HAO2: variants seen among roughly 807,000 people sequenced by gnomAD.
HAO2 encodes the protein 2-Hydroxyacid oxidase 2.
HAO2 carries 42 observed loss-of-function variants against 37.4 expected under a neutral mutation model. The observed-to-expected ratio is 1.12, with a 90% confidence interval of 0.88 to 1.45. HAO2 has a LOEUF of 1.45. Among genes scored for constraint, HAO2 ranks in the 40% most tolerant of loss-of-function variants. The pLI is 0.00. For missense variants in HAO2, 476 were observed against 430.2 expected (o/e 1.11, Z -0.94); for synonymous variants, 180 against 162.8 (o/e 1.11, Z -0.81).
chr1:119,393,078 A>G (rs1319554968), intron 7 of HAO2, among the ~76,000 whole-genome samples: 5 of 152,146 alleles, frequency 3.3e-5, no homozygotes, highest in African/African-American at 1.2e-4. Flanking sequence ...TGAATAATAC[A>G]TTTTGCCAAA....
chr1:119,390,450 T>A (rs947316741), intron 5 of HAO2, among the ~76,000 whole-genome samples: 1 of 152,152 alleles, frequency 6.6e-6, no homozygotes, highest in Non-Finnish European at 1.5e-5. Flanking sequence ...GATTTCACCA[T>A]GTTGGCCAGG....
At chr1:119,375,817 C>T (rs1295987808) in intron 1 of HAO2, among the ~76,000 whole-genome samples, 1 of 152,092 alleles carries the variant, frequency 6.6e-6, no homozygotes, top group East Asian at 1.9e-4. Context: ...ATAAGACCAT[C>T]GGATCTCATG....
chr1:119,369,127 T>C (rs777410059), intron 1 of HAO2: 10 of 152,156 alleles, frequency 6.6e-5, no homozygotes, highest in Non-Finnish European at 1.2e-4. Context: ...GTCTAGGAAG[T>C]TGAGTCTTAG....
At position 119,392,681 on chromosome 1, in the gene HAO2, C is replaced by T. The variant is rs1557858954; in HGVS notation, c.994C>T (p.Leu332Phe). 1 of 1,590,418 alleles carries T rather than the reference C, an allele frequency of 6.3e-7. No homozygotes were observed. The highest frequency in any genetic ancestry group is 8.6e-7 in the Non-Finnish European group (1 of 1,158,462). Residue 332 changes from leucine (L) to phenylalanine (F), a missense_variant, in exon 7 of 8, where the codon CTT (leucine) becomes TTT (phenylalanine). Transcript: ENST00000325945. ...AAATGAGTTCCACACTTCCATGGCC[C>T]TTACAGGTAAGTTAACATGTTTTCC... Reference protein sequence around the residue: ...LTNEFHTSMALTGCRSVAEIN... With the variant: ...LTNEFHTSMAFTGCRSVAEIN...
At chr1:119,370,502 T>C (rs1648895413) in intron 1 of HAO2, among the ~76,000 whole-genome samples, 1 of 152,184 alleles carries the variant, frequency 6.6e-6, no homozygotes, top group African/African-American at 2.4e-5. Flanking sequence ...CAAGGCACTG[T>C]TCTAGAAATT....
chr1:119,370,305 G>A (rs1335744389), intron 1 of HAO2: 1 of 152,246 alleles, frequency 6.6e-6, no homozygotes, highest in South Asian at 2.1e-4. Context: ...GGCTGAGAGT[G>A]TGTGTCAATA....
intron 5 of HAO2, among the ~76,000 whole-genome samples, 162 bp downstream of exon 5, chr1:119,386,993 T>G (rs994943647): frequency 3.3e-5 from 5 of 152,112 alleles, no homozygotes; most frequent in Non-Finnish European, 7.4e-5. Context: ...TTAATTATTA[T>G]TAGTAGCCTA....
intron 1 of HAO2, among the ~76,000 whole-genome samples, chr1:119,375,944 G>A (rs1649418196): frequency 6.6e-6 from 1 of 152,094 alleles, no homozygotes; most frequent in Non-Finnish European, 1.5e-5. Context: ...AATTCAAGAT[G>A]AGGTTTGGTT....
Position 119,392,173 on chromosome 1 carries a change from G to T in HAO2, c.835G>T (p.Gly279Trp), listed in dbSNP as rs758234111. Reference sequence around the variant, plus strand: ...GAAAATTGAAGTCTACCTGGATGGCGGGGTCCGAACTGGCAATGATGTGCT... The same window carrying T: ...GAAAATTGAAGTCTACCTGGATGGCTGGGTCCGAACTGGCAATGATGTGCT... The part of the protein sequence containing the change: ...KGKIEVYLDG[G>W]VRTGNDVLKA... Residue 279 changes from glycine to tryptophan, a missense_variant, in exon 6 of 8, where the codon GGG becomes TGG. Gly to Trp is a radical substitution (Grantham distance 184). Coordinates refer to ENST00000325945, the MANE Select transcript of HAO2 (RefSeq NM_016527.4). The T allele has an allele frequency of 6.2e-7, 1 of 1,613,148 alleles. No homozygotes were observed. Among genetic ancestry groups the T allele is most frequent in the East Asian group, 2.2e-5 (1 of 44,808 alleles).
intron 5 of HAO2, among the ~76,000 whole-genome samples, chr1:119,391,216 T>C (rs770886683): frequency 6.6e-6 from 1 of 152,116 alleles, no homozygotes; most frequent in Non-Finnish European, 1.5e-5. Flanking sequence ...GAAGGCCTCA[T>C]AGGGCCCAGT....
chr1:119,389,021 T>G (rs1284497754), intron 5 of HAO2, among the ~76,000 whole-genome samples: 1 of 148,810 alleles, frequency 6.7e-6, no homozygotes, highest in East Asian at 2.0e-4. Flanking sequence ...TGAGAATATA[T>G]GATGTTTGGT....
intron 4 of HAO2, chr1:119,385,745 T>G (rs1434890628): frequency 1.0e-6 from 1 of 985,274 alleles, no homozygotes; most frequent in East Asian, 1.1e-4. Flanking sequence ...AGCCAGCCTT[T>G]TCAACCAGTG....
At chr1:119,372,227 T>C (rs1470299746) in intron 1 of HAO2, among the ~76,000 whole-genome samples, 1 of 152,196 alleles carries the variant, frequency 6.6e-6, no homozygotes, top group Non-Finnish European at 1.5e-5. Flanking sequence ...GAAAACTGTG[T>C]AATAAATCAT....
At chr1:119,388,782 A>C (rs1650591428) in intron 5 of HAO2, among the ~76,000 whole-genome samples, 1 of 152,048 alleles carries the variant, frequency 6.6e-6, no homozygotes, top group African/African-American at 2.4e-5. Flanking sequence ...TTTTTTAAAA[A>C]AATTATTTCC....
chr1:119,388,786 T>A (rs1650592012), intron 5 of HAO2, among the ~76,000 whole-genome samples: 1 of 152,050 alleles, frequency 6.6e-6, no homozygotes, highest in Admixed American at 6.6e-5. Context: ...TTAAAAAAAT[T>A]ATTTCCACAG....
intron 1 of HAO2, 136 bp downstream of exon 1, chr1:119,369,038 G>C (rs1648739014): frequency 6.6e-6 from 1 of 152,248 alleles, no homozygotes; most frequent in African/African-American, 2.4e-5. Flanking sequence ...TGGTCCTAGG[G>C]AGACAGGTGT....
In HAO2 at chr1:119,386,569, A is replaced by G. The variant is rs1650394673; in HGVS notation, c.562-53A>G. ...TAAATGTGTCTCATCTTTGGAATGC[A>G]TCAAGTAGCCTTGTGAGAGCTCAGG... On this transcript the variant is annotated intron_variant, in intron 4 of 7. Coordinates refer to ENST00000325945, the MANE Select transcript of HAO2 (RefSeq NM_016527.4). 6.4e-6 allele frequency: 7 copies of G among 1,099,306 alleles called. 1 individual carries two copies. Among genetic ancestry groups the G allele is most frequent in the Non-Finnish European group, 9.8e-6 (7 of 714,948 alleles). 68.1% of individuals were successfully genotyped at this position (1,099,306 alleles called of 1,614,324 possible). A position where few individuals can be genotyped will look rare whatever the true frequency, so the allele number is the denominator to read the frequency against.
intron 1 of HAO2, among the ~76,000 whole-genome samples, chr1:119,375,172 A>ATGGGAATACAAGAAGACAAAATAAAG (rs1649347155): frequency 1.3e-5 from 2 of 152,204 alleles, no homozygotes; most frequent in South Asian, 4.1e-4. Context: ...ACAAAATAAA[A>ATGGGAATACAAGAAGACAAAATAAAG]TGGGAATACA....
intron 4 of HAO2, chr1:119,385,983 C>T (rs925437895): frequency 6.9e-6 from 5 of 729,792 alleles, no homozygotes; most frequent in South Asian, 6.2e-5. Flanking sequence ...CCAATAAATG[C>T]TTTTGCTTAT....
Sources: gnomAD v4.1 joint callset for allele counts (sites outside exome capture counted in the v4.1 genomes callset) on GRCh38, gnomAD v4.1.1 for gene constraint, MANE v1.5 for transcripts, NCBI Gene and HGNC (gene_info 2026-07-23, HGNC 2026-07-21) for gene names.